DLEU7: variants seen among roughly 807,000 people sequenced by gnomAD.
The protein encoded by DLEU7 is leukemia-associated protein 7.
In DLEU7, 17 loss-of-function variants were observed where a neutral mutation model predicts 16.0. The ratio of observed to expected loss-of-function variants is 1.06; its 90% CI spans 0.73 to 1.59. DLEU7 has a LOEUF of 1.59. Ranked by LOEUF, DLEU7 falls within the 40% of genes most tolerant of loss-of-function variation. The pLI is 0.00. For synonymous variants in DLEU7, 113 were observed against 139.8 expected (o/e 0.81, Z 1.35); for missense variants, 308 against 314.9 (o/e 0.98, Z 0.17).
intron 1 of DLEU7, among the ~76,000 whole-genome samples, chr13:50,727,159 T>C (rs144004591): frequency 6.6e-6 from 1 of 152,236 alleles, no homozygotes; most frequent in Non-Finnish European, 1.5e-5. Flanking sequence ...TTGTCCTTAA[T>C]ATGTGCTAAG....
At chr13:50,808,954 T>TA (rs1566258076) in intron 1 of DLEU7, among the ~76,000 whole-genome samples, 2 of 151,902 alleles carry the variant, frequency 1.3e-5, no homozygotes, top group African/African-American at 4.8e-5. Context: ...TATGGTGTCC[T>TA]GGGGTACATT....
intron 1 of DLEU7, among the ~76,000 whole-genome samples, chr13:50,721,145 G>T (rs990611272): frequency 2.0e-5 from 3 of 152,178 alleles, no homozygotes; most frequent in Non-Finnish European, 4.4e-5. Context: ...TGAGTCTTAC[G>T]GCTTTCATCT....
chr13:50,831,261 A>C (rs1877257065), intron 1 of DLEU7, among the ~76,000 whole-genome samples: 1 of 152,182 alleles, frequency 6.6e-6, no homozygotes, highest in Non-Finnish European at 1.5e-5. Context: ...GGAATGTCAC[A>C]AAAATAAGAT....
intron 1 of DLEU7, among the ~76,000 whole-genome samples, chr13:50,842,751 T>C (rs773943383): frequency 6.6e-5 from 10 of 152,220 alleles, no homozygotes; most frequent in Non-Finnish European, 1.5e-4. Flanking sequence ...TAAATGTAGA[T>C]GATTTCATCA....
chr13:50,785,415 A>C (rs1875771897), intron 1 of DLEU7, among the ~76,000 whole-genome samples: 1 of 152,174 alleles, frequency 6.6e-6, no homozygotes, highest in Admixed American at 6.5e-5. Flanking sequence ...TTTCACCTAG[A>C]ATTTTGCTCT....
intron 1 of DLEU7, among the ~76,000 whole-genome samples, chr13:50,717,775 A>T (rs1050391059): frequency 1.3e-5 from 2 of 152,216 alleles, no homozygotes; most frequent in Non-Finnish European, 2.9e-5. Context: ...CAAGGCAGCC[A>T]GACACTATGT....
At position 50,726,160 on chromosome 13, in the gene DLEU7, G is replaced by A. The variant is rs1344940918; in HGVS notation, c.460-12920C>T. Among the ~76,000 whole-genome samples the A allele has an allele frequency of 6.6e-6, 1 of 152,176 alleles. No individual in the cohort carries two copies. Among genetic ancestry groups the A allele is most frequent in the Non-Finnish European group, 1.5e-5 (1 of 68,028 alleles). On this transcript the variant is annotated intron_variant, in intron 1 of 1. Transcript: ENST00000400393. The surrounding 1 kb of genome is among the most constrained non-coding windows in gnomAD (Gnocchi z 4.0). ...CCCTACTTCTGCCCTGTGGCCTTAG[G>A]ACACTTAGGTAACATGGCCTTGCCA... is the stretch of plus-strand genomic sequence containing the variant.
At chr13:50,753,452 C>T (rs911018266) in intron 1 of DLEU7, among the ~76,000 whole-genome samples, 3 of 152,228 alleles carry the variant, frequency 2.0e-5, no homozygotes, top group African/African-American at 7.2e-5. Flanking sequence ...AGCCCTGCCC[C>T]GTGGGAAGGC....
chr13:50,722,673 A>G (rs371712967), intron 1 of DLEU7, among the ~76,000 whole-genome samples: 1 of 152,220 alleles, frequency 6.6e-6, no homozygotes, highest in East Asian at 1.9e-4. Flanking sequence ...ATTCTCTACC[A>G]TAACATTAAT....
At chr13:50,786,666 A>G (rs1004200153) in intron 1 of DLEU7, among the ~76,000 whole-genome samples, 3 of 152,348 alleles carry the variant, frequency 2.0e-5, no homozygotes, top group African/African-American at 4.8e-5. Flanking sequence ...GGCAAACCCC[A>G]TAATTTCTCT....
intron 1 of DLEU7, among the ~76,000 whole-genome samples, chr13:50,826,909 C>G (rs554305912): frequency 1.3e-5 from 2 of 151,964 alleles, no homozygotes; most frequent in African/African-American, 2.4e-5. Context: ...TTATTCCTAC[C>G]AAACTATCAT....
At chr13:50,768,223 T>A (rs1278795042) in intron 1 of DLEU7, among the ~76,000 whole-genome samples, 2 of 152,186 alleles carry the variant, frequency 1.3e-5, no homozygotes, top group African/African-American at 4.8e-5. Context: ...TACGTACACA[T>A]ATATACATAT....
At chr13:50,834,172 A>G (rs1434753881) in intron 1 of DLEU7, among the ~76,000 whole-genome samples, 3 of 152,206 alleles carry the variant, frequency 2.0e-5, no homozygotes, top group East Asian at 1.9e-4. Flanking sequence ...AATGGCAACA[A>G]AAGCCAAAAT....
intron 1 of DLEU7, 41 bp from the exon 2 acceptor site, chr13:50,823,561 T>C (rs1807318904): frequency 6.5e-7 from 1 of 1,529,592 alleles, no homozygotes; most frequent in Non-Finnish European, 8.8e-7. Context: ...TTAGATAGGT[T>C]ATGGGGGCCA....
At position 50,734,193 on chromosome 13, in the gene DLEU7, C is replaced by G. The variant is rs576020301; in HGVS notation, c.460-20953G>C. Among the ~76,000 whole-genome samples the G allele has an allele frequency of 7.2e-5, 11 of 152,280 alleles. No homozygotes were observed. In the East Asian group the frequency reaches 1.5e-3, roughly 21 times the overall value. ...CAGAAACAAATCAAGGCAAGTCACT[C>G]TATATCTTTTGAGAACCAAAAGTGT... On this transcript the variant is annotated intron_variant, in intron 1 of 1. Transcript: ENST00000400393.
intron 1 of DLEU7, among the ~76,000 whole-genome samples, chr13:50,722,274 T>G (rs927960412): frequency 6.6e-6 from 1 of 152,200 alleles, no homozygotes. Flanking sequence ...GCTCCTGTGT[T>G]TCTGTATCAT....
chr13:50,794,213 GT>G (rs1357688878), intron 1 of DLEU7, among the ~76,000 whole-genome samples: 3 of 152,072 alleles, frequency 2.0e-5, no homozygotes, highest in Non-Finnish European at 4.4e-5. Context: ...CCAAGCACAG[GT>G]CAATAGATAT....
intron 1 of DLEU7, among the ~76,000 whole-genome samples, chr13:50,760,800 G>C (rs1874905673): frequency 1.3e-5 from 2 of 152,192 alleles, no homozygotes; most frequent in Admixed American, 6.5e-5. Flanking sequence ...ACATTAGCCA[G>C]TATAGGTTAG....
chr13:50,786,377 C>G (rs1875795586), intron 1 of DLEU7, among the ~76,000 whole-genome samples: 1 of 152,082 alleles, frequency 6.6e-6, no homozygotes, highest in South Asian at 2.1e-4. Flanking sequence ...TTTTTAGTTC[C>G]TGAACACATA....
Sources: gnomAD v4.1 joint callset for allele counts (sites outside exome capture counted in the v4.1 genomes callset) on GRCh38, gnomAD v4.1.1 for gene constraint, Gnocchi (gnomAD v3.1) non-coding constraint, MANE v1.5 for transcripts, NCBI Gene and HGNC (gene_info 2026-07-23, HGNC 2026-07-21) for gene names.